CSMD1: variants seen among roughly 807,000 people sequenced by gnomAD.
The protein encoded by CSMD1 is CUB and sushi domain-containing protein 1.
CSMD1 carries 213 observed loss-of-function variants against 417.5 expected under a neutral mutation model. The ratio of observed to expected loss-of-function variants is 0.51; its 90% CI spans 0.46 to 0.57. The LOEUF (loss-of-function observed/expected upper bound fraction) is 0.57. Among genes scored for constraint, CSMD1 ranks in the 20% least tolerant of loss-of-function variants. The pLI, the probability that CSMD1 is intolerant of heterozygous loss-of-function variation, is 0.00. For missense variants in CSMD1, 6,923 were observed against 4,529.7 expected (o/e 1.53, Z -15.17); for synonymous variants, 2,862 against 1,736.8 (o/e 1.65, Z -16.11).
Position 3,169,668 on chromosome 8 carries a change from T to G in CSMD1, c.5726-7391A>C, listed in dbSNP as rs1168652396. 2.0e-5 allele frequency among the ~76,000 whole-genome samples: 3 copies of G among 152,302 alleles called. No homozygotes were observed. The East Asian group carries it at 5.8e-4, about 29-fold the overall frequency. On this transcript the variant is annotated intron_variant, in intron 37 of 69. Coordinates refer to ENST00000635120, the MANE Select transcript of CSMD1 (RefSeq NM_033225.6). ...AACATGATGTCATGTTATTTATATT[T>G]TTATCACAATAGAAAGGACTGAGGA...
intron 7 of CSMD1, among the ~76,000 whole-genome samples, chr8:3,636,443 G>C (rs1797052378): frequency 6.6e-6 from 1 of 152,136 alleles, no homozygotes. Flanking sequence ...CTCCCACAGT[G>C]GTAGGATTAC....
intron 1 of CSMD1, among the ~76,000 whole-genome samples, chr8:4,695,302 C>T (rs887238687): frequency 6.6e-6 from 1 of 152,190 alleles, no homozygotes; most frequent in Non-Finnish European, 1.5e-5. Context: ...TTATAGTCTG[C>T]ACTCCTGGCA....
rs1205687537 is a variant in CSMD1 at position 4,295,157 on chromosome 8, C to CATATAATCTTAAGATT, written c.415+124780_415+124795dup. On this transcript the variant is annotated intron_variant, in intron 3 of 69. Coordinates refer to ENST00000635120, the MANE Select transcript of CSMD1 (RefSeq NM_033225.6). Reference sequence around the variant, plus strand: ...GATTATATAATCTTAAGATTACGCACATATAATCTTAAGATTATATAATCT... The same window carrying CATATAATCTTAAGATT: ...GATTATATAATCTTAAGATTACGCACATATAATCTTAAGATTATATAATCTTAAGATTATATAATCT... Among the ~76,000 whole-genome samples, 25 of 142,332 alleles carry CATATAATCTTAAGATT rather than the reference C, an allele frequency of 1.8e-4. 1 individual carries two copies. In the East Asian group the frequency reaches 3.1e-3, roughly 18 times the overall value. 93.4% of individuals were successfully genotyped at this position (142,332 alleles called of 152,430 possible).
At chr8:4,205,198 G>A (rs374517716) in intron 3 of CSMD1, among the ~76,000 whole-genome samples, 3 of 152,268 alleles carry the variant, frequency 2.0e-5, no homozygotes, top group East Asian at 3.9e-4. Context: ...TTAAATAATA[G>A]CATTGCACAT....
At chr8:3,980,886 T>A (rs1813812472) in intron 5 of CSMD1, among the ~76,000 whole-genome samples, 1 of 152,180 alleles carries the variant, frequency 6.6e-6, no homozygotes, top group African/African-American at 2.4e-5. Context: ...TGGAGACTGT[T>A]TTTATTTTCA....
At chr8:4,979,385 A>C (rs1323038997) in intron 1 of CSMD1, among the ~76,000 whole-genome samples, 2 of 152,192 alleles carry the variant, frequency 1.3e-5, no homozygotes, top group Non-Finnish European at 2.9e-5. Flanking sequence ...AAGAAGTTTA[A>C]CATTTTCCAC....
intron 3 of CSMD1, among the ~76,000 whole-genome samples, chr8:4,361,995 T>G (rs10098903): frequency 0.08 from 12,127 of 151,156 alleles, 710 homozygotes; most frequent in African/African-American, 0.16. Flanking sequence ...TAAATAAAGT[T>G]TCCTATCCTT....
At chr8:4,743,936 C>G (rs925899317) in intron 1 of CSMD1, among the ~76,000 whole-genome samples, 1 of 152,212 alleles carries the variant, frequency 6.6e-6, no homozygotes. Context: ...AACCACAGCA[C>G]TTTCTCTCTT....
At position 4,459,617 on chromosome 8, in the gene CSMD1, G is replaced by A. The variant is rs1286624513; in HGVS notation, c.303-39552C>T. On this transcript the variant is annotated intron_variant, in intron 2 of 69. Coordinates refer to ENST00000635120, the MANE Select transcript of CSMD1 (RefSeq NM_033225.6). Reference sequence around the variant, plus strand: ...ATAATAAGAGACAGAGAAGAAGATCGCATTGTGGGTTAGAACAAACCTCAA... The same window carrying A: ...ATAATAAGAGACAGAGAAGAAGATCACATTGTGGGTTAGAACAAACCTCAA... Among the ~76,000 whole-genome samples the A allele has an allele frequency of 4.6e-5, 7 of 152,270 alleles. No individual in the cohort carries two copies. The East Asian group carries it at 7.7e-4, about 17-fold the overall frequency.
chr8:3,975,619 G>T (rs138131404), intron 5 of CSMD1, among the ~76,000 whole-genome samples: 1 of 152,148 alleles, frequency 6.6e-6, no homozygotes, highest in Admixed American at 6.6e-5. Context: ...GGGTTCCCAT[G>T]ACTAAAGTGC....
At chr8:4,229,718 AC>A (rs555335493) in intron 3 of CSMD1, among the ~76,000 whole-genome samples, 14 of 151,854 alleles carry the variant, frequency 9.2e-5, no homozygotes, top group African/African-American at 3.4e-4. Context: ...CTCTTGCTTG[AC>A]CCACCCCATC....
chr8:4,195,419 G>A (rs892483635), intron 3 of CSMD1, among the ~76,000 whole-genome samples: 1 of 152,124 alleles, frequency 6.6e-6, no homozygotes, highest in Non-Finnish European at 1.5e-5. Context: ...ACCGATGCAA[G>A]ACTGTGTCAT....
intron 1 of CSMD1, among the ~76,000 whole-genome samples, chr8:4,895,769 T>C (rs758310552): frequency 3.9e-5 from 6 of 152,050 alleles, no homozygotes; most frequent in Non-Finnish European, 7.3e-5. Context: ...TATTAAACTT[T>C]ACCAAAGTAA....
chr8:4,226,839 T>C (rs1261679197), intron 3 of CSMD1, among the ~76,000 whole-genome samples: 2 of 152,192 alleles, frequency 1.3e-5, no homozygotes, highest in South Asian at 2.1e-4. Flanking sequence ...CAAATGCAAA[T>C]GCATGTAGTC....
intron 1 of CSMD1, among the ~76,000 whole-genome samples, chr8:4,915,665 C>T (rs561351221): frequency 1.3e-5 from 2 of 152,272 alleles, no homozygotes; most frequent in South Asian, 2.1e-4. Flanking sequence ...GACGAGGGAA[C>T]GTTAGCGCCC....
chr8:4,092,855 CATT>C (rs1222946502), intron 3 of CSMD1, among the ~76,000 whole-genome samples: 1 of 152,050 alleles, frequency 6.6e-6, no homozygotes, highest in Non-Finnish European at 1.5e-5. Context: ...GTTGAATAAT[CATT>C]ATAAGTAGAA....
intron 10 of CSMD1, among the ~76,000 whole-genome samples, chr8:3,506,371 C>G (rs547967550): frequency 6.6e-6 from 1 of 152,248 alleles, no homozygotes. Context: ...AACAAGAACA[C>G]TGGAGGTAGG....
In CSMD1 at chr8:3,858,995, C is replaced by T. The variant is rs567334951; in HGVS notation, c.819-104953G>A. On this transcript the variant is annotated intron_variant, in intron 5 of 69. Coordinates refer to ENST00000635120, the MANE Select transcript of CSMD1 (RefSeq NM_033225.6). ...GACATCAATCCCTTCTTCTACTCCA[C>T]ACCTTCATAGTGCTATGAAGTGTTC... 4.6e-5 allele frequency among the ~76,000 whole-genome samples: 7 copies of T among 152,320 alleles called. 1 individual carries two copies. In the South Asian group the frequency reaches 1.4e-3, roughly 32 times the overall value.
intron 2 of CSMD1, among the ~76,000 whole-genome samples, chr8:4,561,525 C>T (rs981854103): frequency 2.0e-5 from 3 of 152,014 alleles, no homozygotes; most frequent in African/African-American, 4.8e-5. Flanking sequence ...TCTACCAAAA[C>T]AGAAAAATTA....
Sources: gnomAD v4.1 joint callset for allele counts (sites outside exome capture counted in the v4.1 genomes callset) on GRCh38, gnomAD v4.1.1 for gene constraint, MANE v1.5 for transcripts, NCBI Gene and HGNC (gene_info 2026-07-23, HGNC 2026-07-21) for gene names.